Variants in MECR observed in about 807,000 individuals in gnomAD.
The protein encoded by MECR is mitochondrial trans-2-enoyl-CoA reductase.
In MECR, 37 loss-of-function variants were observed where a neutral mutation model predicts 49.1. That is an observed-to-expected ratio of 0.75 (90% CI 0.58 to 0.99). The LOEUF (loss-of-function observed/expected upper bound fraction) is 0.99, where lower values mean the gene tolerates loss of function less well. MECR is among the 50% of genes least tolerant of loss of function. The probability of loss-of-function intolerance (pLI) is 0.00; values close to 1 mark genes in which losing one functional copy is unlikely to be tolerated. For synonymous variants in MECR, 198 were observed against 191.1 expected, an observed-to-expected ratio of 1.04 and a Z score of -0.30; for missense variants, 470 against 479.6, an observed-to-expected ratio of 0.98 and a Z score of 0.19.
chr1:29,212,402 C>T (rs1270124721), intron 3 of MECR, among the ~76,000 whole-genome samples: 3 of 152,142 alleles, frequency 2.0e-5, no homozygotes, highest in Non-Finnish European at 4.4e-5. Flanking sequence ...GGCAACAGAG[C>T]GAGACTCTGT....
chr1:29,203,000 C>T, intron 5 of MECR, 131 bp downstream of exon 5: 1 of 657,792 alleles, frequency 1.5e-6, no homozygotes, highest in South Asian at 2.1e-5. Context: ...CAGCCGCCAA[C>T]TGTTAGCGAT....
chr1:29,212,739 T>C (rs981371814), intron 3 of MECR, among the ~76,000 whole-genome samples: 6 of 152,168 alleles, frequency 3.9e-5, no homozygotes, highest in African/African-American at 7.2e-5. Context: ...ATTCTCTGCA[T>C]TGCACAAATC....
chr1:29,221,938 T>A (rs1321772692), intron 1 of MECR, among the ~76,000 whole-genome samples: 1 of 152,132 alleles, frequency 6.6e-6, no homozygotes, highest in Non-Finnish European at 1.5e-5. Flanking sequence ...GAGGGTGGTA[T>A]CACCCAAATT....
At chr1:29,178,915 T>G in the MECR span, among the ~76,000 whole-genome samples, 1 of 152,238 alleles carries the variant, frequency 6.6e-6, no homozygotes. Context: ...GGAGGTCATA[T>G]TGTGTGCTGT....
chr1:29,226,792 C>T (rs527942095), intron 1 of MECR, among the ~76,000 whole-genome samples: 32 of 151,726 alleles, frequency 2.1e-4, no homozygotes, highest in African/African-American at 4.8e-5. Context: ...TTTAAAACCC[C>T]GTAATATACA....
the MECR span, chr1:29,168,767 A>G: frequency 6.6e-6 from 1 of 152,228 alleles, no homozygotes; most frequent in Admixed American, 6.5e-5. Flanking sequence ...GAAGATGAAG[A>G]CTTGGATCTA....
At chr1:29,226,560 C>A (rs745359553) in intron 1 of MECR, among the ~76,000 whole-genome samples, 1 of 152,104 alleles carries the variant, frequency 6.6e-6, no homozygotes, top group Non-Finnish European at 1.5e-5. Context: ...GGTGAAACCC[C>A]ATCTATATTT....
chr1:29,178,795 GAC>G, the MECR span, among the ~76,000 whole-genome samples: 1 of 152,142 alleles, frequency 6.6e-6, no homozygotes, highest in Non-Finnish European at 1.5e-5. Flanking sequence ...CTTCCTTTCA[GAC>G]TCTCCAGCGT....
intron 7 of MECR, among the ~76,000 whole-genome samples, chr1:29,199,026 T>C (rs1674682075): frequency 1.3e-5 from 2 of 152,286 alleles, no homozygotes; most frequent in South Asian, 4.1e-4. Context: ...GCATGGTGAA[T>C]ACTCACCACA....
chr1:29,179,690 C>T, the MECR span, among the ~76,000 whole-genome samples: 1 of 152,176 alleles, frequency 6.6e-6, no homozygotes, highest in African/African-American at 2.4e-5. Context: ...ACTTCAAGCT[C>T]TAATCTATTC....
At position 29,230,774 on chromosome 1, in the gene MECR, C is replaced by G; in HGVS notation, c.133G>C (p.Ala45Pro). 6.2e-7 allele frequency: 1 copy of G among 1,600,368 alleles called. No homozygotes were observed. Among genetic ancestry groups the G allele is most frequent in the Non-Finnish European group, 8.5e-7 (1 of 1,174,080 alleles). The change falls in exon 1 of 10, where the codon GCG (alanine) becomes CCG (proline). Residue 45 changes from alanine (A) to proline (P), a missense_variant. Coordinates refer to ENST00000263702, the MANE Select transcript of MECR (RefSeq NM_016011.5). ...TCCCCGTGGTGCCCATAGACAAGCG[C>G]CCGGACCCGGGCAGGCTCGGCGGAT... is the stretch of plus-strand genomic sequence containing the variant. ...SASAEPARVR[A>P]LVYGHHGDPA... is the part of the protein sequence containing the mutation.
intron 1 of MECR, among the ~76,000 whole-genome samples, chr1:29,218,342 T>C (rs1349929916): frequency 6.6e-6 from 1 of 152,232 alleles, no homozygotes; most frequent in Non-Finnish European, 1.5e-5. Flanking sequence ...GCTTTCTTTC[T>C]TTCTCCACAC....
At chr1:29,222,498 C>T (rs369804803) in intron 1 of MECR, among the ~76,000 whole-genome samples, 11 of 152,226 alleles carry the variant, frequency 7.2e-5, no homozygotes, top group African/African-American at 2.6e-4. Context: ...TCTGAGAAGT[C>T]CCGGAATAAA....
intron 1 of MECR, chr1:29,223,140 C>T (rs1244274533): frequency 1.0e-5 from 10 of 985,300 alleles, no homozygotes; most frequent in Middle Eastern, 5.2e-4. Flanking sequence ...TCCCCCATAC[C>T]GTTCACGTCC....
chr1:29,181,412 C>G, the MECR span, among the ~76,000 whole-genome samples: 1 of 152,160 alleles, frequency 6.6e-6, no homozygotes, highest in East Asian at 1.9e-4. Flanking sequence ...TCCTTCTCCC[C>G]GTCCCACTCA....
Position 29,225,232 on chromosome 1 carries a change from T to C in MECR, c.176+5499A>G, listed in dbSNP as rs12040651. On this transcript the variant is annotated intron_variant, in intron 1 of 9. Transcript: ENST00000263702. ...CAGACACCTTTCTCACAGGATTACA[T>C]GAGTGCACAGTAGGCAGTCAACAAA... Among the ~76,000 whole-genome samples the C allele has an allele frequency of 3.3e-5, 5 of 152,198 alleles. No homozygotes were observed. In the East Asian group the frequency reaches 9.7e-4, roughly 30 times the overall value.
chr1:29,194,944 C>G (rs1421388875), intron 9 of MECR, among the ~76,000 whole-genome samples: 5 of 151,924 alleles, frequency 3.3e-5, no homozygotes, highest in Non-Finnish European at 7.4e-5. Flanking sequence ...GATGAAACCC[C>G]ATTTCTACTA....
At chr1:29,209,032 G>A (rs1677296838) in intron 3 of MECR, among the ~76,000 whole-genome samples, 1 of 152,210 alleles carries the variant, frequency 6.6e-6, no homozygotes, top group Admixed American at 6.5e-5. Flanking sequence ...CTGCACCGCA[G>A]GGTGGAGAGT....
intron 1 of MECR, among the ~76,000 whole-genome samples, chr1:29,218,139 T>A (rs1016571599): frequency 5.9e-5 from 9 of 152,232 alleles, no homozygotes; most frequent in African/African-American, 2.2e-4. Flanking sequence ...GGTGGCAACA[T>A]CTTTATCCCA....
Sources: allele counts gnomAD v4.1 joint callset (sites outside exome capture counted in the v4.1 genomes callset), GRCh38; gene constraint gnomAD v4.1.1; transcripts MANE v1.5; gene names NCBI Gene and HGNC (gene_info 2026-07-23, HGNC 2026-07-21).